The following OPRL1 variants were observed in gnomAD, a reference collection of about 807,000 sequenced individuals.
OPRL1 encodes opioid related nociceptin receptor 1, also known as nociceptin receptor.
OPRL1 carries 5 observed loss-of-function variants against 15.5 expected under a neutral mutation model. That is an observed-to-expected ratio of 0.32 (90% CI 0.17 to 0.68). The LOEUF (loss-of-function observed/expected upper bound fraction) is 0.68, where lower values mean the gene tolerates loss of function less well. OPRL1 is among the 30% of genes least tolerant of loss of function. The probability of loss-of-function intolerance (pLI) is 0.72; values close to 1 mark genes in which losing one functional copy is unlikely to be tolerated. For synonymous variants in OPRL1, 223 were observed against 230.2 expected (o/e 0.97, Z 0.28); for missense variants, 406 against 515.3 (o/e 0.79, Z 2.05).
rs1269238143 is a variant in OPRL1 at position 64,084,003 on chromosome 20, C to T, written c.-185+3651C>T. ...CACGGGAAGGTGGAGGCCGCCGCGC[C>T]CACGTCCTCCAGCAGGTCGCCGAAG... is the stretch of plus-strand genomic sequence containing the variant. On this transcript the variant is annotated intron_variant, in intron 1 of 4. Coordinates refer to ENST00000336866, the MANE Select transcript of OPRL1 (RefSeq NM_182647.4). 1.3e-6 allele frequency: 2 copies of T among 1,495,920 alleles called. No homozygotes were observed. The highest frequency in any genetic ancestry group is 2.2e-5 in the Admixed American group (1 of 46,506). The allele number at this position is 1,495,920 out of a possible 1,614,324, so 92.7% of individuals were successfully genotyped here. A position where few individuals can be genotyped will look rare whatever the true frequency, so the allele number is the denominator to read the frequency against.
At chr20:64,088,382 G>A (rs1260843368) in intron 1 of OPRL1, among the ~76,000 whole-genome samples, 2 of 151,990 alleles carry the variant, frequency 1.3e-5, no homozygotes, top group African/African-American at 4.8e-5. Context: ...GATCTTTGCA[G>A]TGGGGCCAGG....
At chr20:64,093,487 G>A (rs1198846094) in intron 3 of OPRL1, among the ~76,000 whole-genome samples, 2 of 43,128 alleles carry the variant, frequency 4.6e-5, no homozygotes, top group Admixed American at 2.2e-4. Context: ...GAGATTGAGG[G>A]GGCAGTGTGG....
chr20:64,084,903 T>C (rs1569269960), intron 1 of OPRL1: 1 of 152,138 alleles, frequency 6.6e-6, no homozygotes, highest in Non-Finnish European at 1.5e-5. Context: ...CACCTCTTGG[T>C]CCCTACACCC....
chr20:64,081,148 G>A (rs988247443), intron 1 of OPRL1, among the ~76,000 whole-genome samples: 1 of 152,024 alleles, frequency 6.6e-6, no homozygotes, highest in Non-Finnish European at 1.5e-5. Context: ...CCCGAAGGGG[G>A]AGGTCAGAGG....
chr20:64,098,796 A>G lies in OPRL1; in HGVS notation c.1110A>G (p.Ala370=), dbSNP rs1481455654. 1 of 1,589,858 alleles carries G rather than the reference A, an allele frequency of 6.3e-7. No individual in the cohort carries two copies. The highest frequency in any genetic ancestry group is 1.7e-5 in the Admixed American group (1 of 59,408). Residue 370 remains alanine (A), a synonymous_variant, in exon 5 of 5, where the codon GCA becomes GCG. Coordinates refer to ENST00000336866, the MANE Select transcript of OPRL1 (RefSeq NM_182647.4). ...CKTSETVPRP[A] is the part of the protein sequence containing the mutation. ...CCTCTGAGACGGTACCGCGGCCCGC[A>G]TGACTAGGCGTGGACCTGCCCATGG...
At chr20:64,082,422 C>T (rs1020247674) in intron 1 of OPRL1, among the ~76,000 whole-genome samples, 4 of 152,168 alleles carry the variant, frequency 2.6e-5, no homozygotes, top group African/African-American at 7.2e-5. Flanking sequence ...GGCTGAGGGG[C>T]GAGTGCGCAG....
rs931548042 is a variant in OPRL1, at chr20:64,095,221, G to T, written c.233+2268G>T. On this transcript the variant is annotated intron_variant, in intron 3 of 4. Transcript: ENST00000336866. Reference sequence around the variant, plus strand: ...GGTGGATAGTGTGGGGGATAGTTGGGGGGAGCTGGGGGGATAGTGGGGGGA... The same window carrying T: ...GGTGGATAGTGTGGGGGATAGTTGGTGGGAGCTGGGGGGATAGTGGGGGGA... Among the ~76,000 whole-genome samples, 112 of 40,824 alleles carry T rather than the reference G, an allele frequency of 2.7e-3. 2 individuals carry two copies. Among genetic ancestry groups the T allele is most frequent in the African/African-American group, 0.012 (101 of 8,616 alleles). The allele number at this position is 40,824 out of a possible 152,430, so 26.8% of individuals were successfully genotyped here.
rs539500691 is a variant in OPRL1 at position 64,087,648 on chromosome 20, C to T, written c.-184-4318C>T. 1.8e-3 allele frequency among the ~76,000 whole-genome samples: 275 copies of T among 151,732 alleles called. 1 individual carries two copies. Among genetic ancestry groups the T allele is most frequent in the African/African-American group, 4.9e-3 (203 of 41,326 alleles). ...CGCACACAAGCTCTGTGCTGTCATT[C>T]GCGTGTCATCGTTCGTGTCTTGGGC... On this transcript the variant is annotated intron_variant, in intron 1 of 4. Coordinates refer to ENST00000336866, the MANE Select transcript of OPRL1 (RefSeq NM_182647.4).
In OPRL1 at chr20:64,092,782, A is replaced by C; in HGVS notation, c.62A>C (p.Asn21Thr). ...ATCTACGGCAGCCACCTTCAGGGCA[A>C]CCTGTCCCTCCTGAGCCCCAACCAC... ...EVIYGSHLQG[N>T]LSLLSPNHSL... is the part of the protein sequence containing the mutation. The change falls in exon 3 of 5, where the codon AAC becomes ACC. Residue 21 changes from asparagine to threonine, a missense_variant. Coordinates refer to ENST00000336866, the MANE Select transcript of OPRL1 (RefSeq NM_182647.4). The C allele has an allele frequency of 6.2e-7, 1 of 1,612,684 alleles. No homozygotes were observed. Among genetic ancestry groups the C allele is most frequent in the African/African-American group, 1.3e-5 (1 of 75,044 alleles).
intron 1 of OPRL1, chr20:64,084,507 G>T: frequency 1.4e-6 from 1 of 701,936 alleles, no homozygotes; most frequent in Non-Finnish European, 1.9e-6. Context: ...CCTACCCGAT[G>T]GACTGTTCTG....
intron 3 of OPRL1, among the ~76,000 whole-genome samples, chr20:64,096,786 C>T (rs1979165379): frequency 1.3e-5 from 2 of 151,584 alleles, no homozygotes; most frequent in South Asian, 4.2e-4. Context: ...TCACATTCAC[C>T]ATCCTCACCA....
At chr20:64,080,996 C>G (rs1898420460) in intron 1 of OPRL1, among the ~76,000 whole-genome samples, 1 of 152,012 alleles carries the variant, frequency 6.6e-6, no homozygotes, top group African/African-American at 2.4e-5. Flanking sequence ...GGCAGTAGGA[C>G]CAGAAGCCAG....
intron 1 of OPRL1, among the ~76,000 whole-genome samples, chr20:64,091,581 G>A (rs1454224122): frequency 6.6e-6 from 1 of 152,186 alleles, no homozygotes; most frequent in Admixed American, 6.5e-5. Context: ...AGAGCTGGCC[G>A]GGTGGGGGCA....
rs1455091263 is a variant in OPRL1, at chr20:64,083,601, G to A, written c.-185+3249G>A. Reference sequence around the variant, plus strand: ...TCTGCACCTCTTGGCGGTCCAGGGGGTCCGGGATCCGCGCGGGCTTCAGCT... The same window carrying A: ...TCTGCACCTCTTGGCGGTCCAGGGGATCCGGGATCCGCGCGGGCTTCAGCT... On this transcript the variant is annotated intron_variant, in intron 1 of 4. Transcript: ENST00000336866. The surrounding 1 kb of genome is among the most constrained non-coding windows in gnomAD (Gnocchi z 4.9). 1.3e-6 allele frequency: 2 copies of A among 1,486,302 alleles called. No homozygotes were observed. The highest frequency in any genetic ancestry group is 1.3e-5 in the South Asian group (1 of 77,890). The allele number at this position is 1,486,302 out of a possible 1,614,324, so 92.1% of individuals were successfully genotyped here.
rs1361307724 is a variant in OPRL1 at position 64,089,334 on chromosome 20, A to C, written c.-184-2632A>C. Among the ~76,000 whole-genome samples, 3 of 151,972 alleles carry C rather than the reference A, an allele frequency of 2.0e-5. No homozygotes were observed. Among genetic ancestry groups the C allele is most frequent in the Non-Finnish European group, 2.9e-5 (2 of 67,972 alleles). ...AGTTGAGGTCTCTATTGACTCCTGA[A>C]AGGCCAGGCAAGGCAGAGCTGGGAG... is the stretch of plus-strand genomic sequence containing the variant. On this transcript the variant is annotated intron_variant, in intron 1 of 4. Transcript: ENST00000336866. The surrounding 1 kb of genome is among the most constrained non-coding windows in gnomAD (Gnocchi z 5.5).
rs1979668613 is a variant in OPRL1 at position 64,100,177 on chromosome 20, C to G, written c.*1378C>G. On this transcript the variant is annotated 3_prime_UTR_variant, in exon 5 of 5. Transcript: ENST00000336866. ...CACCCAGAGAATCACCCTTCCTGGT[C>G]TACAGATGGAAGCTGCAGGTTGGTG... 1 of 152,186 alleles carries G rather than the reference C, an allele frequency of 6.6e-6. No individual in the cohort carries two copies. The highest frequency in any genetic ancestry group is 1.5e-5 in the Non-Finnish European group (1 of 68,028). The allele number at this position is 152,186 out of a possible 1,614,324, so 9.4% of individuals were successfully genotyped here. A position where few individuals can be genotyped will look rare whatever the true frequency, so the allele number is the denominator to read the frequency against.
rs1404161741 is a variant in OPRL1 at position 64,099,624 on chromosome 20, T to G, written c.*825T>G. 6.6e-6 allele frequency: 1 copy of G among 152,622 alleles called. No individual in the cohort carries two copies. Among genetic ancestry groups the G allele is most frequent in the East Asian group, 1.9e-4 (1 of 5,218 alleles). The allele number at this position is 152,622 out of a possible 1,614,324, so 9.5% of individuals were successfully genotyped here. On this transcript the variant is annotated 3_prime_UTR_variant, in exon 5 of 5. Coordinates refer to ENST00000336866, the MANE Select transcript of OPRL1 (RefSeq NM_182647.4). ...AGACCAGCGAGAGGCCCTGGCCCAT[T>G]CCCTCCAGCGGTGCAATGAACTATC... is the stretch of plus-strand genomic sequence containing the variant.
Position 64,090,379 on chromosome 20 carries a change from G to T in OPRL1, c.-184-1587G>T, listed in dbSNP as rs2060107509. ...GAAATCCTGGGGGACAGCGAGGGAT[G>T]CTGGGTCCTGGGGCATCTGCCTGTT... On this transcript the variant is annotated intron_variant, in intron 1 of 4. Coordinates refer to ENST00000336866, the MANE Select transcript of OPRL1 (RefSeq NM_182647.4). The surrounding 1 kb of genome is among the most constrained non-coding windows in gnomAD (Gnocchi z 4.9). 6.6e-6 allele frequency among the ~76,000 whole-genome samples: 1 copy of T among 152,208 alleles called. No homozygotes were observed. The highest frequency in any genetic ancestry group is 2.4e-5 in the African/African-American group (1 of 41,460).
rs767720740 is a variant in OPRL1, at chr20:64,098,407, C to A, written c.721C>A (p.Arg241=). 1.2e-6 allele frequency: 2 copies of A among 1,613,502 alleles called. No homozygotes were observed. Among genetic ancestry groups the A allele is most frequent in the African/African-American group, 1.3e-5 (1 of 74,930 alleles). Residue 241 remains arginine, a synonymous_variant, in exon 5 of 5, where the codon CGG becomes AGG. Transcript: ENST00000336866. ...ISVCYSLMIR[R]LRGVRLLSGS... ...TGTCTGCTACAGCCTCATGATCCGG[C>A]GGCTCCGTGGAGTCCGCCTGCTCTC...
Sources: gnomAD v4.1 joint callset for allele counts (sites outside exome capture counted in the v4.1 genomes callset) on GRCh38, gnomAD v4.1.1 for gene constraint, Gnocchi (gnomAD v3.1) non-coding constraint, MANE v1.5 for transcripts, NCBI Gene and HGNC (gene_info 2026-07-23, HGNC 2026-07-21) for gene names.